Variants in LRMDA observed in about 807,000 individuals in gnomAD.
The protein encoded by LRMDA is leucine rich melanocyte differentiation associated.
A neutral mutation model predicts 29.8 loss-of-function variants in LRMDA; 18 were observed. The observed-to-expected ratio is 0.60, with a 90% CI of 0.42 to 0.90. The LOEUF (loss-of-function observed/expected upper bound fraction) is 0.90. Among genes scored for constraint, LRMDA ranks in the 40% least tolerant of loss-of-function variants. LRMDA has a pLI of 0.00. For missense variants in LRMDA, 273 were observed against 273.9 expected, an observed-to-expected ratio of 1.00 and a Z score of 0.02; for synonymous variants, 125 against 109.4, an observed-to-expected ratio of 1.14 and a Z score of -0.89.
chr10:76,531,514 A>T (rs1843233656), intron 6 of LRMDA, among the ~76,000 whole-genome samples: 1 of 151,766 alleles, frequency 6.6e-6, no homozygotes, highest in Non-Finnish European at 1.5e-5. Flanking sequence ...TGAGTGCTGA[A>T]TTTTGTCATT....
intron 2 of LRMDA, among the ~76,000 whole-genome samples, chr10:75,988,458 C>G (rs114197638): frequency 1.6e-3 from 237 of 152,138 alleles, no homozygotes; most frequent in African/African-American, 5.5e-3. Flanking sequence ...TGTCCCACCC[C>G]CAACATGCAC....
chr10:76,137,790 AC>A lies in LRMDA; in HGVS notation c.516+79008del, dbSNP rs1218873788. Reference sequence around the variant, plus strand: ...CCTATGGCAAAAAAAAAAAAAACAAACAAAAAACCCTAAACTTTGACTTGGG... The same window carrying A: ...CCTATGGCAAAAAAAAAAAAAACAAAAAAAAACCCTAAACTTTGACTTGGG... On this transcript the variant is annotated intron_variant, in intron 5 of 6. Coordinates refer to ENST00000611255, the MANE Select transcript of LRMDA (RefSeq NM_001305581.2). 1.7e-4 allele frequency among the ~76,000 whole-genome samples: 25 copies of A among 150,848 alleles called. No homozygotes were observed. The South Asian group carries it at 2.1e-3, about 13-fold the overall frequency.
chr10:76,190,812 C>G (rs1016985818), intron 5 of LRMDA, among the ~76,000 whole-genome samples: 7 of 152,092 alleles, frequency 4.6e-5, no homozygotes, highest in Non-Finnish European at 1.0e-4. Context: ...AAAACACATA[C>G]GCTGTAATAT....
intron 2 of LRMDA, among the ~76,000 whole-genome samples, chr10:75,952,917 G>T (rs945959456): frequency 5.3e-5 from 8 of 151,974 alleles, no homozygotes; most frequent in African/African-American, 1.9e-4. Flanking sequence ...ACCATGCCCA[G>T]CTACCTTTTG....
chr10:76,303,365 A>T (rs553991217), intron 5 of LRMDA, among the ~76,000 whole-genome samples: 10 of 152,268 alleles, frequency 6.6e-5, no homozygotes, highest in Admixed American at 6.5e-4. Flanking sequence ...AAAATAAAGC[A>T]TAAGTACCAG....
chr10:76,363,088 G>A (rs1174829282), intron 6 of LRMDA, among the ~76,000 whole-genome samples: 2 of 146,020 alleles, frequency 1.4e-5, no homozygotes, highest in East Asian at 4.0e-4. Flanking sequence ...ACCTAGCATT[G>A]TGCTAGAGGT....
chr10:76,000,102 AT>A (rs201504500), intron 2 of LRMDA, among the ~76,000 whole-genome samples: 205 of 150,850 alleles, frequency 1.4e-3, no homozygotes, highest in South Asian at 2.5e-3. Context: ...CTTGAAGATA[AT>A]TTTTTTTTTA....
At chr10:76,256,653 T>C (rs1852599125) in intron 5 of LRMDA, among the ~76,000 whole-genome samples, 1 of 152,232 alleles carries the variant, frequency 6.6e-6, no homozygotes, top group Non-Finnish European at 1.5e-5. Context: ...GGAAAAAAGC[T>C]GTCAATCTAA....
In LRMDA at chr10:76,496,164, A is replaced by T. The variant is rs539707367; in HGVS notation, c.602-61045A>T. ...ATTTTCCACTCTAGTTGGTGGGAAC[A>T]TGAACTATCCCAGCTCTGTGTAATG... On this transcript the variant is annotated intron_variant, in intron 6 of 6. Transcript: ENST00000611255. Among the ~76,000 whole-genome samples, 11 of 75,106 alleles carry T rather than the reference A, an allele frequency of 1.5e-4. 4 individuals are homozygous for T. Among genetic ancestry groups the T allele is most frequent in the Admixed American group, 1.4e-3 (11 of 8,100 alleles). 49.3% of individuals were successfully genotyped at this position (75,106 alleles called of 152,430 possible).
chr10:76,178,708 G>T (rs780596500), intron 5 of LRMDA, among the ~76,000 whole-genome samples: 1 of 152,182 alleles, frequency 6.6e-6, no homozygotes, highest in Non-Finnish European at 1.5e-5. Context: ...ACCATCAGAA[G>T]AACAAAACAA....
chr10:76,116,830 CT>C (rs1423094375), intron 5 of LRMDA, among the ~76,000 whole-genome samples: 1 of 152,110 alleles, frequency 6.6e-6, no homozygotes, highest in Non-Finnish European at 1.5e-5. Context: ...CTTCTTCCAC[CT>C]TTGATGCCCT....
chr10:76,202,407 A>G (rs1851450000), intron 5 of LRMDA, among the ~76,000 whole-genome samples: 1 of 152,150 alleles, frequency 6.6e-6, no homozygotes, highest in East Asian at 1.9e-4. Flanking sequence ...TAATGAATTG[A>G]AAGATTGTCC....
chr10:76,192,651 G>A (rs1244623307), intron 5 of LRMDA, among the ~76,000 whole-genome samples: 2 of 152,158 alleles, frequency 1.3e-5, no homozygotes, highest in East Asian at 3.8e-4. Flanking sequence ...TGTGATTTAA[G>A]CAGCAACATA....
chr10:75,704,959 T>A (rs1210784263), intron 2 of LRMDA, among the ~76,000 whole-genome samples: 1 of 152,234 alleles, frequency 6.6e-6, no homozygotes, highest in African/African-American at 2.4e-5. Flanking sequence ...AGAGGGTTTC[T>A]GTAACTAAAC....
intron 3 of LRMDA, among the ~76,000 whole-genome samples, chr10:76,041,560 TA>T (rs1364781129): frequency 1.3e-5 from 2 of 152,198 alleles, no homozygotes; most frequent in Non-Finnish European, 2.9e-5. Context: ...TCCCAGTGGT[TA>T]TGGAGGTTGC....
chr10:76,002,578 C>T (rs1847580046), intron 2 of LRMDA, among the ~76,000 whole-genome samples: 1 of 152,174 alleles, frequency 6.6e-6, no homozygotes, highest in Non-Finnish European at 1.5e-5. Context: ...GGGTCCAGCA[C>T]CCAGTAGGTA....
chr10:75,798,755 TTA>T (rs1231146044), intron 2 of LRMDA, among the ~76,000 whole-genome samples: 1 of 152,112 alleles, frequency 6.6e-6, no homozygotes, highest in Non-Finnish European at 1.5e-5. Context: ...TAATTTTCAA[TTA>T]TATGTGTTTT....
chr10:76,557,094 A>G (rs1279165628), intron 6 of LRMDA, 115 bp from the exon 7 acceptor site: 1 of 803,644 alleles, frequency 1.2e-6, no homozygotes, highest in Non-Finnish European at 2.1e-6. Context: ...AGCTTCATCC[A>G]CTTTCTGCTG....
chr10:76,043,249 T>C (rs149708525), intron 3 of LRMDA, among the ~76,000 whole-genome samples: 158 of 152,358 alleles, frequency 1.0e-3, no homozygotes, highest in African/African-American at 3.6e-3. Context: ...CATTTTGCCA[T>C]CAGTTTTATG....
Sources: gnomAD v4.1 joint callset for allele counts (sites outside exome capture counted in the v4.1 genomes callset) on GRCh38, gnomAD v4.1.1 for gene constraint, MANE v1.5 for transcripts, NCBI Gene and HGNC (gene_info 2026-07-23, HGNC 2026-07-21) for gene names.